BICDL1: variants seen among roughly 807,000 people sequenced by gnomAD.
The protein encoded by BICDL1 is BICD family like cargo adaptor 1.
BICDL1 carries 20 observed loss-of-function variants against 76.8 expected under a neutral mutation model. The observed-to-expected ratio is 0.26, with a 90% CI of 0.18 to 0.38. The LOEUF is 0.38. Ranked by LOEUF, BICDL1 falls within the 10% of genes least tolerant of loss-of-function variation. BICDL1 has a pLI of 1.00. For missense variants in BICDL1, 700 were observed against 798.6 expected (o/e 0.88, Z 1.49); for synonymous variants, 383 against 337.1 (o/e 1.14, Z -1.49).
chr12:120,001,578 G>A (rs762480148), intron 2 of BICDL1, among the ~76,000 whole-genome samples: 18 of 152,052 alleles, frequency 1.2e-4, no homozygotes, highest in African/African-American at 2.9e-4. Context: ...TGTTTAAAAT[G>A]TGTTTTTATA....
chr12:120,043,422 C>T lies in BICDL1; in HGVS notation c.646-18288C>T, dbSNP rs1465629815. On this transcript the variant is annotated intron_variant, in intron 2 of 9. Coordinates refer to ENST00000548673, the MANE Select transcript of BICDL1 (RefSeq NM_001367886.1). ...GAGAATGACTTTATAAAAGAAAAGACTTGAGTGAGGTTTATAAAGGGAACA... is the reference window on the plus strand; with the variant it reads ...GAGAATGACTTTATAAAAGAAAAGATTTGAGTGAGGTTTATAAAGGGAACA... Among the ~76,000 whole-genome samples, 3 of 152,152 alleles carry T rather than the reference C, an allele frequency of 2.0e-5. No homozygotes were observed. In the East Asian group the frequency reaches 5.8e-4, roughly 29 times the overall value.
chr12:119,990,399 C>A, intron 1 of BICDL1, 102 bp downstream of exon 1: 1 of 1,495,796 alleles, frequency 6.7e-7, no homozygotes, highest in Non-Finnish European at 8.9e-7. Flanking sequence ...TCGTTGCTCA[C>A]CCTACCTCGC....
chr12:120,016,415 T>A (rs1199162859), intron 2 of BICDL1, among the ~76,000 whole-genome samples: 2 of 151,474 alleles, frequency 1.3e-5, no homozygotes, highest in Non-Finnish European at 2.9e-5. Flanking sequence ...GTGGAATTGC[T>A]ATATGGTATG....
chr12:120,086,481 C>A (rs767111844), intron 8 of BICDL1, among the ~76,000 whole-genome samples: 3 of 152,212 alleles, frequency 2.0e-5, no homozygotes, highest in Non-Finnish European at 4.4e-5. Flanking sequence ...CAGTTGAAAT[C>A]ACGGGGTGGG....
chr12:120,064,651 A>G, intron 3 of BICDL1, 82 bp from the exon 4 acceptor site: 1 of 1,391,762 alleles, frequency 7.2e-7, no homozygotes, highest in Non-Finnish European at 9.7e-7. Context: ...ACTTGCCTTC[A>G]TGTTTTGGGG....
chr12:120,040,758 T>G (rs1387399260), intron 2 of BICDL1, among the ~76,000 whole-genome samples: 1 of 149,922 alleles, frequency 6.7e-6, no homozygotes, highest in Non-Finnish European at 1.5e-5. Flanking sequence ...ATACTTTTTT[T>G]TTTTTTTTGT....
chr12:120,029,742 A>G (rs945080315), intron 2 of BICDL1, among the ~76,000 whole-genome samples: 3 of 148,066 alleles, frequency 2.0e-5, no homozygotes, highest in Non-Finnish European at 4.5e-5. Flanking sequence ...TGCAGCCTCC[A>G]CCCGCCGGTT....
Position 120,021,361 on chromosome 12 carries a change from C to T in BICDL1, c.645+22625C>T, listed in dbSNP as rs535268685. On this transcript the variant is annotated intron_variant, in intron 2 of 9. Coordinates refer to ENST00000548673, the MANE Select transcript of BICDL1 (RefSeq NM_001367886.1). ...CAGCACTTTGGGAGGCCAAGGTGGG[C>T]GGATCACCTGAGGTCAGGAGTTGGA... Among the ~76,000 whole-genome samples, 6 of 151,226 alleles carry T rather than the reference C, an allele frequency of 4.0e-5. No individual in the cohort carries two copies. The South Asian group carries it at 6.3e-4, about 16-fold the overall frequency.
In BICDL1 at chr12:119,989,508, C is replaced by T. The variant is rs1429754990; in HGVS notation, c.-361C>T. 6.6e-6 allele frequency among the ~76,000 whole-genome samples: 1 copy of T among 150,402 alleles called. No individual in the cohort carries two copies. The highest frequency in any genetic ancestry group is 2.4e-5 in the African/African-American group (1 of 41,260). On this transcript the variant is annotated 5_prime_UTR_variant, in exon 1 of 10. Transcript: ENST00000548673. ...AGCGGCAACAGGGCGGCTGAGAACCCGGCGGCGGCGTTCCTCCTCGCTTCC... is the reference window on the plus strand; with the variant it reads ...AGCGGCAACAGGGCGGCTGAGAACCTGGCGGCGGCGTTCCTCCTCGCTTCC...
chr12:120,085,998 T>TA (rs397850497), intron 8 of BICDL1, among the ~76,000 whole-genome samples: 2,137 of 129,300 alleles, frequency 0.017, 44 homozygotes, highest in African/African-American at 0.045. Context: ...TTTCTCCCTT[T>TA]AAAAAAAAAA....
rs527591808 is a variant in BICDL1, at chr12:120,006,604, AC to A, written c.645+7870del. On this transcript the variant is annotated intron_variant, in intron 2 of 9. Coordinates refer to ENST00000548673, the MANE Select transcript of BICDL1 (RefSeq NM_001367886.1). ...TTTTTGATAGGATTCTCAGGAAGGA[AC>A]CTTTGGGGAGGTGAAGTTTGAGCAG... Among the ~76,000 whole-genome samples, 3 of 152,280 alleles carry A rather than the reference AC, an allele frequency of 2.0e-5. No individual in the cohort carries two copies. In the South Asian group the frequency reaches 6.2e-4, roughly 32 times the overall value.
intron 2 of BICDL1, among the ~76,000 whole-genome samples, chr12:120,020,729 C>A (rs906259108): frequency 1.6e-4 from 24 of 152,120 alleles, no homozygotes; most frequent in Non-Finnish European, 3.1e-4. Context: ...CATATCATCC[C>A]ACAGGTTATT....
At chr12:120,062,488 C>T (rs1405058855) in intron 3 of BICDL1, among the ~76,000 whole-genome samples, 1 of 152,058 alleles carries the variant, frequency 6.6e-6, no homozygotes, top group Non-Finnish European at 1.5e-5. Context: ...AGCCAAGTAT[C>T]TGGCTAAAGG....
chr12:120,024,694 T>C (rs1351765758), intron 2 of BICDL1, among the ~76,000 whole-genome samples: 1 of 152,166 alleles, frequency 6.6e-6, no homozygotes, highest in Admixed American at 6.5e-5. Context: ...TTTCTTTCTT[T>C]CTTTCTTTTT....
At chr12:120,034,489 T>C (rs1389184091) in intron 2 of BICDL1, among the ~76,000 whole-genome samples, 1 of 152,210 alleles carries the variant, frequency 6.6e-6, no homozygotes, top group African/African-American at 2.4e-5. Flanking sequence ...GGGCAGGACA[T>C]GTGACTTTAT....
rs1041310885 is a variant in BICDL1 at position 120,074,565 on chromosome 12, G to A, written c.1431G>A (p.Glu477=). 8 of 1,247,582 alleles carry A rather than the reference G, an allele frequency of 6.4e-6. No homozygotes were observed. In the African/African-American group the frequency reaches 1.1e-4, roughly 17 times the overall value. The allele number at this position is 1,247,582 out of a possible 1,614,324, so 77.3% of individuals were successfully genotyped here. The change falls in exon 7 of 10, where the codon GAG becomes GAA. Residue 477 remains glutamate, a synonymous_variant. Transcript: ENST00000548673. ...GTAAACTGAGGCAAAGCCTAGAAGAGCTGCAGCGACTCCACAGTCAGGTGA... is the reference window on the plus strand; with the variant it reads ...GTAAACTGAGGCAAAGCCTAGAAGAACTGCAGCGACTCCACAGTCAGGTGA... ...ERGKLRQSLE[E]LQRLHSQVTL...
chr12:120,064,779 G>C lies in BICDL1; in HGVS notation c.809G>C (p.Ser270Thr). The part of the protein sequence containing the change: ...DRKRELEHRL[S>T]ATLEENDLLQ... The stretch of plus-strand genomic sequence containing the variant: ...AAACGGGAGCTGGAGCATCGTCTCA[G>C]CGCTACTTTAGAGGAAAATGACCTG... The change falls in exon 4 of 10, where the codon AGC becomes ACC. Residue 270 changes from serine (S) to threonine (T), a missense_variant. Coordinates refer to ENST00000548673, the MANE Select transcript of BICDL1 (RefSeq NM_001367886.1). 3 of 1,613,792 alleles carry C rather than the reference G, an allele frequency of 1.9e-6. No individual in the cohort carries two copies. Among genetic ancestry groups the C allele is most frequent in the Non-Finnish European group, 2.5e-6 (3 of 1,179,878 alleles).
intron 2 of BICDL1, among the ~76,000 whole-genome samples, chr12:120,017,180 G>A (rs958078388): frequency 6.6e-6 from 1 of 152,234 alleles, no homozygotes; most frequent in African/African-American, 2.4e-5. Flanking sequence ...ACAGGCGTGA[G>A]CCATCGTGCC....
chr12:120,046,384 G>C (rs1952750638), intron 2 of BICDL1, among the ~76,000 whole-genome samples: 1 of 152,166 alleles, frequency 6.6e-6, no homozygotes, highest in Non-Finnish European at 1.5e-5. Flanking sequence ...ATTAGAGCTG[G>C]CTTATAATAA....
Sources: allele counts gnomAD v4.1 joint callset (sites outside exome capture counted in the v4.1 genomes callset), GRCh38; gene constraint gnomAD v4.1.1; transcripts MANE v1.5; gene names NCBI Gene and HGNC (gene_info 2026-07-23, HGNC 2026-07-21).